PLCE1: variants seen among roughly 807,000 people sequenced by gnomAD.
PLCE1 encodes phospholipase C epsilon 1.
PLCE1 carries 119 observed loss-of-function variants against 242.8 expected under a neutral mutation model. The ratio of observed to expected loss-of-function variants is 0.49; its 90% CI spans 0.42 to 0.57. The LOEUF (loss-of-function observed/expected upper bound fraction) is 0.57, where lower values mean the gene tolerates loss of function less well. PLCE1 is among the 20% of genes least tolerant of loss of function. PLCE1 has a pLI of 0.00. For missense variants in PLCE1, 2,441 were observed against 2,788.8 expected, an observed-to-expected ratio of 0.88 and a Z score of 2.81; for synonymous variants, 945 against 1,017.4, an observed-to-expected ratio of 0.93 and a Z score of 1.35.
chr10:94,314,932 T>A (rs1043286430), intron 28 of PLCE1: 18 of 152,844 alleles, frequency 1.2e-4, no homozygotes, highest in African/African-American at 4.1e-4. Context: ...TTTTAATACA[T>A]CAGTCCATGT....
At chr10:94,189,457 C>T (rs1260192626) in intron 4 of PLCE1, among the ~76,000 whole-genome samples, 3 of 152,026 alleles carry the variant, frequency 2.0e-5, no homozygotes, top group East Asian at 1.9e-4. Context: ...GAGGGCTGGA[C>T]AGTTCTAAGG....
intron 19 of PLCE1, among the ~76,000 whole-genome samples, chr10:94,278,446 T>G (rs894507398): frequency 2.0e-4 from 31 of 152,298 alleles, no homozygotes; most frequent in African/African-American, 7.2e-4. Flanking sequence ...CGCTAATATC[T>G]CCAAGAATTA....
chr10:94,111,907 CT>C (rs2045969206), intron 2 of PLCE1, among the ~76,000 whole-genome samples: 1 of 152,168 alleles, frequency 6.6e-6, no homozygotes, highest in Non-Finnish European at 1.5e-5. Flanking sequence ...CGCAGTTTTG[CT>C]TTCATGACCT....
At chr10:94,106,314 A>G (rs1362382840) in intron 2 of PLCE1, 1 of 152,220 alleles carries the variant, frequency 6.6e-6, no homozygotes, top group Non-Finnish European at 1.5e-5. Flanking sequence ...TAAATTTACT[A>G]TATTTTTGAG....
At chr10:94,241,053 A>G (rs1280823265) in intron 7 of PLCE1, among the ~76,000 whole-genome samples, 1 of 152,188 alleles carries the variant, frequency 6.6e-6, no homozygotes, top group Non-Finnish European at 1.5e-5. Context: ...CTTGAAATGA[A>G]CTTATTTCAT....
Position 94,261,526 on chromosome 10 carries a change from A to G in PLCE1, c.3815-968A>G, listed in dbSNP as rs1034428118. Among the ~76,000 whole-genome samples, 4 of 152,314 alleles carry G rather than the reference A, an allele frequency of 2.6e-5. No homozygotes were observed. The South Asian group carries it at 6.2e-4, about 24-fold the overall frequency. Reference sequence around the variant, plus strand: ...CATTTGGGTAAATACCTAAGAGTGCAATTGCTGGATCATATGGTAAGCCTA... The same window carrying G: ...CATTTGGGTAAATACCTAAGAGTGCGATTGCTGGATCATATGGTAAGCCTA... On this transcript the variant is annotated intron_variant, in intron 13 of 32. Transcript: ENST00000371380.
chr10:94,169,612 C>G (rs76858887), intron 3 of PLCE1, among the ~76,000 whole-genome samples: 1 of 152,138 alleles, frequency 6.6e-6, no homozygotes, highest in Non-Finnish European at 1.5e-5. Context: ...GTGAGGAAAG[C>G]AAACGCAGGT....
chr10:94,041,223 C>A (rs1364318055), intron 2 of PLCE1, among the ~76,000 whole-genome samples: 2 of 152,084 alleles, frequency 1.3e-5, no homozygotes, highest in African/African-American at 2.4e-5. Flanking sequence ...TCTCGAATGA[C>A]TCTTTGAATT....
In PLCE1 at chr10:94,304,584, A is replaced by C; in HGVS notation, c.5561A>C (p.Gln1854Pro). The C allele has an allele frequency of 1.2e-6, 2 of 1,614,124 alleles. No homozygotes were observed. Among genetic ancestry groups the C allele is most frequent in the Non-Finnish European group, 8.5e-7 (1 of 1,179,962 alleles). ...TGGGACAAGAACTGCCCCATGTATC[A>C]GAAGTTTTCTCCACTAGAAAGAGAT... is the stretch of plus-strand genomic sequence containing the variant. ...VLWDKNCPMY[Q>P]KFSPLERDLD... Residue 1854 changes from glutamine to proline, a missense_variant, in exon 25 of 33, where the codon CAG (glutamine) becomes CCG (proline). Physicochemically the swap from Gln to Pro is moderately conservative, Grantham distance 76. This residue lies in a region of PLCE1 where 1,004 missense variants were observed against 1,322.7 expected (regional missense o/e 0.76). Coordinates refer to ENST00000371380, the MANE Select transcript of PLCE1 (RefSeq NM_016341.4).
At chr10:94,292,763 T>TG (rs1282000836) in intron 22 of PLCE1, among the ~76,000 whole-genome samples, 1 of 152,242 alleles carries the variant, frequency 6.6e-6, no homozygotes, top group Non-Finnish European at 1.5e-5. Context: ...TCTCCAAAGG[T>TG]ACAGTTATGA....
chr10:94,007,683 C>T (rs1280603279), intron 1 of PLCE1, among the ~76,000 whole-genome samples: 2 of 140,512 alleles, frequency 1.4e-5, no homozygotes, highest in African/African-American at 5.3e-5. Flanking sequence ...TGTTAGTCCC[C>T]ATCAAAGCCT....
chr10:94,067,898 A>G (rs2044242078), intron 2 of PLCE1, among the ~76,000 whole-genome samples: 1 of 152,098 alleles, frequency 6.6e-6, no homozygotes, highest in Admixed American at 6.6e-5. Context: ...TGGAGAAGGG[A>G]GGAGTATGGG....
At chr10:94,184,923 T>C (rs1218056871) in intron 4 of PLCE1, among the ~76,000 whole-genome samples, 1 of 152,220 alleles carries the variant, frequency 6.6e-6, no homozygotes, top group African/African-American at 2.4e-5. Context: ...TTATGCATGG[T>C]ACCATCTATA....
chr10:94,001,256 T>G (rs542473635), intron 1 of PLCE1, among the ~76,000 whole-genome samples: 3 of 152,320 alleles, frequency 2.0e-5, no homozygotes, highest in African/African-American at 7.2e-5. Flanking sequence ...CCAAAACCTC[T>G]TATCTCTCTC....
At position 94,328,013 on chromosome 10, in the gene PLCE1, AAATAT is replaced by A. The variant is rs757493640; in HGVS notation, c.*74_*78del. On this transcript the variant is annotated 3_prime_UTR_variant, in exon 33 of 33. Transcript: ENST00000371380. Reference sequence around the variant, plus strand: ...AGTTAAAGAGTGAACATGGTGGAAAAAATATAATTATTTTCATCAGACTTAAACTG... The same window carrying A: ...AGTTAAAGAGTGAACATGGTGGAAAAAATTATTTTCATCAGACTTAAACTG... 1.9e-6 allele frequency: 1 copy of A among 530,796 alleles called. No homozygotes were observed. Among genetic ancestry groups the A allele is most frequent in the Non-Finnish European group, 3.9e-6 (1 of 258,670 alleles). 32.9% of individuals were successfully genotyped at this position (530,796 alleles called of 1,614,324 possible).
Position 94,063,370 on chromosome 10 carries a change from A to G in PLCE1, c.1206+31118A>G, listed in dbSNP as rs1461882907. On this transcript the variant is annotated intron_variant, in intron 2 of 32. Transcript: ENST00000371380. ...CTGACTCTCATGGGATGTTCATGTC[A>G]TCTTCCAAGGCCCTTGCTATCGCAT... Among the ~76,000 whole-genome samples, 4 of 152,136 alleles carry G rather than the reference A, an allele frequency of 2.6e-5. No individual in the cohort carries two copies. In the South Asian group the frequency reaches 8.3e-4, roughly 32 times the overall value.
intron 29 of PLCE1, among the ~76,000 whole-genome samples, chr10:94,320,829 TACATAGTC>T (rs1328308952): frequency 2.6e-5 from 4 of 152,360 alleles, no homozygotes; most frequent in African/African-American, 9.6e-5. Flanking sequence ...GGTGTTGCTT[TACATAGTC>T]ACATACACAA....
intron 18 of PLCE1, among the ~76,000 whole-genome samples, chr10:94,272,683 T>C (rs1304234244): frequency 6.6e-6 from 1 of 152,162 alleles, no homozygotes; most frequent in Non-Finnish European, 1.5e-5. Context: ...AGCTGGTCCC[T>C]CCGTTCGGGA....
intron 1 of PLCE1, among the ~76,000 whole-genome samples, chr10:94,007,204 C>T (rs1335614778): frequency 1.3e-5 from 2 of 151,846 alleles, no homozygotes; most frequent in East Asian, 3.9e-4. Flanking sequence ...TTTTCTACAT[C>T]GTGTGTTGGC....
Sources: gnomAD v4.1 joint callset for allele counts (sites outside exome capture counted in the v4.1 genomes callset) on GRCh38, gnomAD v4.1.1 for gene constraint, gnomAD v4.1.1 regional missense constraint, MANE v1.5 for transcripts, NCBI Gene and HGNC (gene_info 2026-07-23, HGNC 2026-07-21) for gene names.